The following RORA variants were observed in gnomAD, a reference collection of about 807,000 sequenced individuals.
RORA encodes nuclear receptor ROR-alpha.
RORA carries 7 observed loss-of-function variants against 69.5 expected under a neutral mutation model. The ratio of observed to expected loss-of-function variants is 0.10; its 90% CI spans 0.06 to 0.19. The LOEUF is 0.19. Among genes scored for constraint, RORA ranks in the 10% least tolerant of loss-of-function variants. The pLI, the probability that RORA is intolerant of heterozygous loss-of-function variation, is 1.00. For missense variants in RORA, 457 were observed against 663.0 expected (o/e 0.69, Z 3.41); for synonymous variants, 261 against 240.8 (o/e 1.08, Z -0.78).
chr15:60,857,916 G>A (rs890844564), intron 1 of RORA, among the ~76,000 whole-genome samples: 7 of 152,224 alleles, frequency 4.6e-5, no homozygotes, highest in African/African-American at 1.7e-4. Flanking sequence ...GAGGTGAACT[G>A]AAGGGCTGAG....
At chr15:61,079,265 GTACT>G (rs1289685878) in intron 1 of RORA, among the ~76,000 whole-genome samples, 1 of 152,036 alleles carries the variant, frequency 6.6e-6, no homozygotes, top group Non-Finnish European at 1.5e-5. Flanking sequence ...CATATAAAAG[GTACT>G]TACTATTTAA....
intron 1 of RORA, among the ~76,000 whole-genome samples, chr15:60,740,511 T>C (rs1278159418): frequency 6.6e-6 from 1 of 152,226 alleles, no homozygotes; most frequent in East Asian, 1.9e-4. Flanking sequence ...AAAGCTGGAC[T>C]ATCTCCATGA....
chr15:60,947,688 T>TAAAAAA (rs35887206), intron 1 of RORA, among the ~76,000 whole-genome samples: 85 of 102,292 alleles, frequency 8.3e-4, no homozygotes, highest in African/African-American at 1.1e-3. Context: ...GAATGATCAA[T>TAAAAAA]AAAAAAAAAA....
At chr15:61,165,502 C>CT in intron 1 of RORA, among the ~76,000 whole-genome samples, 1 of 152,314 alleles carries the variant, frequency 6.6e-6, no homozygotes, top group South Asian at 2.1e-4. Flanking sequence ...TTTCAAAACT[C>CT]TTTGTCTTTT....
chr15:60,606,465 A>G (rs1256454655), intron 2 of RORA, among the ~76,000 whole-genome samples: 1 of 152,194 alleles, frequency 6.6e-6, no homozygotes, highest in Admixed American at 6.5e-5. Flanking sequence ...TTTTTTTTAA[A>G]CCAAGATGTG....
At chr15:61,221,489 T>C (rs1042160337) in intron 1 of RORA, among the ~76,000 whole-genome samples, 1 of 152,176 alleles carries the variant, frequency 6.6e-6, no homozygotes, top group South Asian at 2.1e-4. Flanking sequence ...CGTGGCTAGT[T>C]TGACATAGAT....
At chr15:61,102,882 A>C (rs2078899984) in intron 1 of RORA, among the ~76,000 whole-genome samples, 2 of 151,996 alleles carry the variant, frequency 1.3e-5, no homozygotes, top group South Asian at 4.2e-4. Context: ...GGACCAACAG[A>C]GGCTTTTCCA....
intron 1 of RORA, among the ~76,000 whole-genome samples, chr15:60,873,044 C>G (rs1282684461): frequency 6.6e-6 from 1 of 152,130 alleles, no homozygotes; most frequent in African/African-American, 2.4e-5. Context: ...TTTTTCACAT[C>G]AAGTGCCGAG....
intron 3 of RORA, chr15:60,528,366 A>G (rs545656127): frequency 6.6e-6 from 1 of 152,134 alleles, no homozygotes; most frequent in African/African-American, 2.4e-5. Flanking sequence ...TGCCCAGCCT[A>G]TATGTGCTTC....
chr15:61,154,521 C>G (rs1346281356), intron 1 of RORA, among the ~76,000 whole-genome samples: 1 of 152,182 alleles, frequency 6.6e-6, no homozygotes, highest in Non-Finnish European at 1.5e-5. Context: ...AAGTGATTCT[C>G]AGTCACAGAC....
intron 2 of RORA, among the ~76,000 whole-genome samples, chr15:60,607,298 A>G (rs1181573057): frequency 2.0e-5 from 3 of 152,194 alleles, no homozygotes; most frequent in Non-Finnish European, 4.4e-5. Flanking sequence ...AGGACGTATT[A>G]ACCCATGAAC....
intron 1 of RORA, among the ~76,000 whole-genome samples, chr15:60,940,347 TACA>T (rs756140592): frequency 4.6e-5 from 7 of 152,182 alleles, no homozygotes; most frequent in Non-Finnish European, 1.0e-4. Context: ...GAAATTATAA[TACA>T]ACAACATGGA....
intron 1 of RORA, among the ~76,000 whole-genome samples, chr15:61,100,085 A>G (rs1307666135): frequency 1.3e-5 from 2 of 151,450 alleles, no homozygotes; most frequent in Non-Finnish European, 2.9e-5. Context: ...TCTCCCCACC[A>G]ACATCTGGGA....
intron 2 of RORA, among the ~76,000 whole-genome samples, chr15:60,576,718 G>T (rs1455660441): frequency 6.6e-6 from 1 of 152,202 alleles, no homozygotes; most frequent in Non-Finnish European, 1.5e-5. Context: ...GAAGGTCTGA[G>T]GGGGAGTGAA....
intron 1 of RORA, among the ~76,000 whole-genome samples, chr15:61,074,658 G>T (rs937942988): frequency 6.6e-6 from 1 of 152,158 alleles, no homozygotes; most frequent in African/African-American, 2.4e-5. Context: ...ACTATTCCAA[G>T]GGAAAGTTCA....
intron 1 of RORA, among the ~76,000 whole-genome samples, chr15:61,214,853 C>G (rs971809760): frequency 2.0e-5 from 3 of 149,178 alleles, no homozygotes; most frequent in Non-Finnish European, 4.4e-5. Flanking sequence ...AAGTTTAACA[C>G]CTTCTTGGAC....
chr15:60,991,906 A>AAAAATAAAATAAAAT lies in RORA; in HGVS notation c.166+237132_166+237146dup, dbSNP rs60034207. Among the ~76,000 whole-genome samples the AAAAATAAAATAAAAT allele has an allele frequency of 5.0e-3, 741 of 148,130 alleles. 4 individuals are homozygous for AAAAATAAAATAAAAT. Among genetic ancestry groups the AAAAATAAAATAAAAT allele is most frequent in the Middle Eastern group, 7.0e-3 (2 of 284 alleles). ...GCGTGACAGAGCGAGACCGTGCCTC[A>AAAAATAAAATAAAAT]AAAATAAAATAAAATAAAATAAAAT... is the stretch of plus-strand genomic sequence containing the variant. On this transcript the variant is annotated intron_variant, in intron 1 of 10. Coordinates refer to ENST00000335670, the MANE Select transcript of RORA (RefSeq NM_134261.3).
At chr15:60,693,915 A>AT (rs139887663) in intron 1 of RORA, among the ~76,000 whole-genome samples, 101 of 151,748 alleles carry the variant, frequency 6.7e-4, no homozygotes, top group African/African-American at 2.0e-3. Flanking sequence ...ACTATCATTG[A>AT]TTTTTTTTTC....
chr15:61,060,644 T>C (rs2078170699), intron 1 of RORA, among the ~76,000 whole-genome samples: 1 of 152,124 alleles, frequency 6.6e-6, no homozygotes, highest in Admixed American at 6.5e-5. Context: ...CCAAGGACTC[T>C]TGGGGAAGGC....
Sources: allele counts gnomAD v4.1 joint callset (sites outside exome capture counted in the v4.1 genomes callset), GRCh38; gene constraint gnomAD v4.1.1; transcripts MANE v1.5; gene names NCBI Gene and HGNC (gene_info 2026-07-23, HGNC 2026-07-21).